RAB19: variants seen among roughly 807,000 people sequenced by gnomAD.
RAB19 encodes RAB19, member RAS oncogene family, also known as ras-related protein Rab-19.
RAB19 carries 21 observed loss-of-function variants against 17.3 expected under a neutral mutation model. The ratio of observed to expected loss-of-function variants is 1.21; its 90% CI spans 0.86 to 1.74. The LOEUF is 1.74. Among genes scored for constraint, RAB19 ranks in the 40% most tolerant of loss-of-function variants. The probability of loss-of-function intolerance (pLI) is 0.00; values close to 1 mark genes in which losing one functional copy is unlikely to be tolerated. For synonymous variants in RAB19, 126 were observed against 110.4 expected (o/e 1.14, Z -0.88); for missense variants, 277 against 286.8 (o/e 0.97, Z 0.25).
intron 2 of RAB19, 159 bp from the exon 3 acceptor site, chr7:140,411,715 A>C: frequency 6.8e-7 from 1 of 1,477,004 alleles, no homozygotes; most frequent in Non-Finnish European, 9.0e-7. Flanking sequence ...CCAGGGAGCA[A>C]CTGAAAGAAT....
Position 140,407,976 on chromosome 7 carries a change from T to TGCCTCAGCCTCCA in RAB19, c.201+142_201+154dup, listed in dbSNP as rs1374497318. On this transcript the variant is annotated intron_variant, in intron 2 of 3. Transcript: ENST00000537763. ...GCCTCCCGGGTTCATGCCATTCTCCTGCCTCAGCCTCCAGCCTCAGCCTCC... is the reference window on the plus strand; with the variant it reads ...GCCTCCCGGGTTCATGCCATTCTCCTGCCTCAGCCTCCAGCCTCAGCCTCCAGCCTCAGCCTCC... 4.9e-4 allele frequency: 360 copies of TGCCTCAGCCTCCA among 742,102 alleles called. 2 individuals are homozygous for TGCCTCAGCCTCCA. Among genetic ancestry groups the TGCCTCAGCCTCCA allele is most frequent in the Admixed American group, 1.4e-3 (48 of 34,090 alleles). The allele number at this position is 742,102 out of a possible 1,614,324, so 46.0% of individuals were successfully genotyped here.
chr7:140,416,606 G>T (rs59908675), intron 3 of RAB19, among the ~76,000 whole-genome samples: 1,944 of 152,256 alleles, frequency 0.013, 40 homozygotes, highest in African/African-American at 0.042. Flanking sequence ...CTAACAAAAT[G>T]AAGAAGCCCT....
At chr7:140,423,409 C>T (rs1308780877) in intron 3 of RAB19, among the ~76,000 whole-genome samples, 1 of 149,808 alleles carries the variant, frequency 6.7e-6, no homozygotes, top group African/African-American at 2.5e-5. Flanking sequence ...CACTGTACTC[C>T]AGCCTGGGTA....
chr7:140,411,984 G>T lies in RAB19; in HGVS notation c.312G>T (p.Thr104=). ...IIAYDLTRRS[T]FESIPHWIHE... ...CCTATGACCTCACCCGGCGGTCCAC[G>T]TTCGAGTCCATCCCTCACTGGATTC... The change falls in exon 3 of 4, where the codon ACG becomes ACT. Residue 104 remains threonine (T), a synonymous_variant. Coordinates refer to ENST00000537763, the MANE Select transcript of RAB19 (RefSeq NM_001008749.3). 1 of 1,614,138 alleles carries T rather than the reference G, an allele frequency of 6.2e-7. No homozygotes were observed. Among genetic ancestry groups the T allele is most frequent in the Non-Finnish European group, 8.5e-7 (1 of 1,180,036 alleles).
rs574807494 is a variant in RAB19, at chr7:140,425,563, A to G, written c.386-319A>G. Among the ~76,000 whole-genome samples the G allele has an allele frequency of 3.0e-3, 454 of 151,902 alleles. 3 individuals are homozygous for G. Among genetic ancestry groups the G allele is most frequent in the African/African-American group, 0.01 (417 of 41,448 alleles). On this transcript the variant is annotated intron_variant, in intron 3 of 3. Transcript: ENST00000537763. The stretch of plus-strand genomic sequence containing the variant: ...AATATGGCAAAACACCTTCTCTACT[A>G]AAAATACAAAACTAGCCGGGCGTGG...
chr7:140,427,756 T>TTTA lies in RAB19; in HGVS notation c.*1618_*1620dup, dbSNP rs774547832. On this transcript the variant is annotated 3_prime_UTR_variant, in exon 4 of 4. Transcript: ENST00000537763. Reference sequence around the variant, plus strand: ...TGTGAACCACCGCACCTGGCCTTTTTTTATTATTATTATTGTAGAAATGAA... The same window carrying TTTA: ...TGTGAACCACCGCACCTGGCCTTTTTTTATTATTATTATTATTGTAGAAATGAA... 6.6e-6 allele frequency among the ~76,000 whole-genome samples: 1 copy of TTTA among 151,468 alleles called. No homozygotes were observed. The highest frequency in any genetic ancestry group is 1.5e-5 in the Non-Finnish European group (1 of 67,878).
intron 3 of RAB19, among the ~76,000 whole-genome samples, chr7:140,415,171 T>C (rs1376760968): frequency 6.6e-6 from 1 of 151,460 alleles, no homozygotes; most frequent in Non-Finnish European, 1.5e-5. Context: ...ACCACCCGGG[T>C]TCAAGTGATT....
chr7:140,407,923 C>T (rs371725720), intron 2 of RAB19, 76 bp downstream of exon 2: 8 of 1,099,414 alleles, frequency 7.3e-6, no homozygotes, highest in Admixed American at 2.5e-5. Context: ...GACGGAGTCT[C>T]GCGCGATCTC....
Position 140,411,897 on chromosome 7 carries a change from C to G in RAB19, c.225C>G (p.Gly75=). 1 of 1,614,184 alleles carries G rather than the reference C, an allele frequency of 6.2e-7. No homozygotes were observed. ...AGATGCAGGTGTGGGACACAGCTGG[C>G]CAGGAGCGCTTCCGCACCATCACCC... ...KVKMQVWDTA[G]QERFRTITQS... is the part of the protein sequence containing the mutation. The change falls in exon 3 of 4, where the codon GGC becomes GGG. Residue 75 remains glycine, a synonymous_variant. Transcript: ENST00000537763.
intron 1 of RAB19, among the ~76,000 whole-genome samples, chr7:140,404,833 G>A (rs1799206921): frequency 6.6e-6 from 1 of 152,150 alleles, no homozygotes; most frequent in South Asian, 2.1e-4. Context: ...CTCCTTGGGG[G>A]AATATTCTTG....
chr7:140,421,203 T>C (rs1164907131), intron 3 of RAB19, among the ~76,000 whole-genome samples: 3 of 151,952 alleles, frequency 2.0e-5, no homozygotes, highest in Non-Finnish European at 2.9e-5. Context: ...TTATGTTTTA[T>C]TTTTTATAGA....
intron 3 of RAB19, among the ~76,000 whole-genome samples, 179 bp from the exon 4 acceptor site, chr7:140,425,703 G>A (rs1222023624): frequency 6.7e-6 from 1 of 149,532 alleles, no homozygotes; most frequent in Non-Finnish European, 1.5e-5. Context: ...CAGCCTGGGC[G>A]ACAAGAGTGA....
In RAB19 at chr7:140,426,697, T is replaced by C. The variant is rs1456457673; in HGVS notation, c.*547T>C. 2.0e-5 allele frequency among the ~76,000 whole-genome samples: 3 copies of C among 152,176 alleles called. No homozygotes were observed. The highest frequency in any genetic ancestry group is 1.3e-4 in the Admixed American group (2 of 15,246). ...CTTCACTTTGGGGAGCGAAGCCTTT[T>C]AGCAGAAATACCAGAAGTACCATCT... On this transcript the variant is annotated 3_prime_UTR_variant, in exon 4 of 4. Transcript: ENST00000537763.
At chr7:140,415,444 C>A (rs1799439376) in intron 3 of RAB19, among the ~76,000 whole-genome samples, 1 of 152,094 alleles carries the variant, frequency 6.6e-6, no homozygotes, top group Non-Finnish European at 1.5e-5. Context: ...CTCAGCCAAA[C>A]TTTCCACTTA....
chr7:140,409,419 G>T (rs965413691), intron 2 of RAB19, among the ~76,000 whole-genome samples: 10 of 151,902 alleles, frequency 6.6e-5, no homozygotes, highest in Non-Finnish European at 1.5e-4. Context: ...AAACTGCCAG[G>T]CACGGTGGCT....
intron 3 of RAB19, among the ~76,000 whole-genome samples, chr7:140,418,825 C>T (rs1799508861): frequency 6.7e-6 from 1 of 149,556 alleles, no homozygotes; most frequent in Non-Finnish European, 1.5e-5. Context: ...CACCACTGCA[C>T]CACAGCCTGG....
At chr7:140,413,843 A>C (rs1284638592) in intron 3 of RAB19, among the ~76,000 whole-genome samples, 3 of 152,206 alleles carry the variant, frequency 2.0e-5, no homozygotes, top group African/African-American at 7.2e-5. Context: ...AAGGAAACCC[A>C]GCAATGGTGG....
In RAB19 at chr7:140,411,187, C is replaced by T. The variant is rs1189233738; in HGVS notation, c.202-687C>T. 5.8e-6 allele frequency: 7 copies of T among 1,197,076 alleles called. No homozygotes were observed. In the African/African-American group the frequency reaches 9.4e-5, roughly 16 times the overall value. 74.2% of individuals were successfully genotyped at this position (1,197,076 alleles called of 1,614,324 possible). On this transcript the variant is annotated intron_variant, in intron 2 of 3. Coordinates refer to ENST00000537763, the MANE Select transcript of RAB19 (RefSeq NM_001008749.3). ...GGCCGAGGCCAGCAGATCACAAGGT[C>T]AGGAGATCGAGACCATCCTGGCTAA...
chr7:140,411,003 A>C (rs532361011), intron 2 of RAB19: 38 of 1,367,728 alleles, frequency 2.8e-5, no homozygotes, highest in Admixed American at 1.7e-4. Flanking sequence ...CACCTTTGCC[A>C]GTATTCAGAT....
Sources: gnomAD v4.1 joint callset for allele counts (sites outside exome capture counted in the v4.1 genomes callset) on GRCh38, gnomAD v4.1.1 for gene constraint, MANE v1.5 for transcripts, NCBI Gene and HGNC (gene_info 2026-07-23, HGNC 2026-07-21) for gene names.